The following KLHL32 variants were observed in gnomAD, a reference collection of about 807,000 sequenced individuals.
KLHL32 encodes kelch like family member 32.
KLHL32 carries 35 observed loss-of-function variants against 64.8 expected under a neutral mutation model. The ratio of observed to expected loss-of-function variants is 0.54; its 90% CI spans 0.41 to 0.72. KLHL32 has a LOEUF of 0.72. KLHL32 is among the 30% of genes least tolerant of loss of function. The pLI is 0.00. For missense variants in KLHL32, 589 were observed against 768.5 expected (o/e 0.77, Z 2.76); for synonymous variants, 259 against 281.0 (o/e 0.92, Z 0.78).
chr6:97,139,368 T>A lies in KLHL32; in HGVS notation c.*86T>A, dbSNP rs1800438467. 8.5e-7 allele frequency: 1 copy of A among 1,175,330 alleles called. No homozygotes were observed. The highest frequency in any genetic ancestry group is 1.2e-6 in the Non-Finnish European group (1 of 828,534). 72.8% of individuals were successfully genotyped at this position (1,175,330 alleles called of 1,614,324 possible). A position where few individuals can be genotyped will look rare whatever the true frequency, so the allele number is the denominator to read the frequency against. ...AAAAGACTCAGTGCTCCATGCTTCC[T>A]TGTCTTGCTTTATAGGTCTTATATT... is the stretch of plus-strand genomic sequence containing the variant. On this transcript the variant is annotated 3_prime_UTR_variant, in exon 11 of 11. Coordinates refer to ENST00000369261, the MANE Select transcript of KLHL32 (RefSeq NM_052904.4).
chr6:97,120,843 C>G (rs544812152), intron 7 of KLHL32, among the ~76,000 whole-genome samples: 2 of 152,294 alleles, frequency 1.3e-5, no homozygotes, highest in African/African-American at 4.8e-5. Context: ...GCTTTAGATC[C>G]TAGCAACCAG....
intron 9 of KLHL32, among the ~76,000 whole-genome samples, chr6:97,131,711 C>T (rs1447429496): frequency 6.6e-6 from 1 of 152,154 alleles, no homozygotes; most frequent in African/African-American, 2.4e-5. Flanking sequence ...TTTTAATATG[C>T]TGAGTGGGCA....
chr6:96,945,978 G>C (rs937624087), intron 1 of KLHL32, among the ~76,000 whole-genome samples: 5 of 152,092 alleles, frequency 3.3e-5, no homozygotes, highest in Admixed American at 1.3e-4. Flanking sequence ...TTATGGGTGT[G>C]GGGTATAAGG....
At chr6:97,113,368 G>C (rs1797422164) in intron 6 of KLHL32, among the ~76,000 whole-genome samples, 1 of 152,038 alleles carries the variant, frequency 6.6e-6, no homozygotes. Flanking sequence ...CTTGGCTTAT[G>C]GGTTGACATA....
intron 6 of KLHL32, among the ~76,000 whole-genome samples, chr6:97,102,356 C>G (rs921576595): frequency 2.0e-5 from 3 of 152,166 alleles, no homozygotes; most frequent in African/African-American, 7.2e-5. Context: ...TGAGGTCACT[C>G]TAGTCCCTAT....
intron 3 of KLHL32, among the ~76,000 whole-genome samples, chr6:97,031,725 T>G (rs1783584185): frequency 6.6e-6 from 1 of 152,086 alleles, no homozygotes; most frequent in Non-Finnish European, 1.5e-5. Context: ...TATAATGGGG[T>G]CATTCCATAA....
chr6:97,026,959 C>T (rs1324189025), intron 3 of KLHL32, among the ~76,000 whole-genome samples: 1 of 151,864 alleles, frequency 6.6e-6, no homozygotes, highest in Non-Finnish European at 1.5e-5. Context: ...GTCAGGAATT[C>T]GAGACCAGCC....
chr6:97,068,562 C>A (rs1582913637), intron 5 of KLHL32, among the ~76,000 whole-genome samples: 1 of 152,304 alleles, frequency 6.6e-6, no homozygotes, highest in Non-Finnish European at 1.5e-5. Flanking sequence ...GGGCAATATG[C>A]ACTGTAATTT....
chr6:97,117,737 T>G (rs1467264876), intron 7 of KLHL32, among the ~76,000 whole-genome samples: 1 of 152,192 alleles, frequency 6.6e-6, no homozygotes, highest in Non-Finnish European at 1.5e-5. Context: ...GTTTTTAAAA[T>G]ATATGCTCTC....
At chr6:97,087,354 A>C (rs1793569220) in intron 6 of KLHL32, among the ~76,000 whole-genome samples, 1 of 152,240 alleles carries the variant, frequency 6.6e-6, no homozygotes, top group Non-Finnish European at 1.5e-5. Context: ...CCATGGAAGA[A>C]TCTAATATTC....
chr6:96,967,143 A>T, intron 2 of KLHL32, 60 bp downstream of exon 2: 1 of 1,478,816 alleles, frequency 6.8e-7, no homozygotes, highest in African/African-American at 1.4e-5. Flanking sequence ...AGTGCATTGC[A>T]CGTTCTAGGA....
intron 7 of KLHL32, among the ~76,000 whole-genome samples, chr6:97,125,982 G>A (rs1441724369): frequency 6.6e-6 from 1 of 152,148 alleles, no homozygotes; most frequent in African/African-American, 2.4e-5. Flanking sequence ...TCTAAAGTAA[G>A]TAATCTAAGA....
At chr6:97,076,410 A>C (rs1199682888) in intron 5 of KLHL32, among the ~76,000 whole-genome samples, 1 of 152,166 alleles carries the variant, frequency 6.6e-6, no homozygotes, top group Non-Finnish European at 1.5e-5. Flanking sequence ...TGCACTTTTG[A>C]GAATCCTTAT....
Position 97,056,294 on chromosome 6 carries a change from T to C in KLHL32, c.313-8334T>C, listed in dbSNP as rs369017844. Among the ~76,000 whole-genome samples the C allele has an allele frequency of 2.7e-3, 405 of 151,486 alleles. 3 individuals are homozygous for C. The highest frequency in any genetic ancestry group is 9.3e-3 in the African/African-American group (384 of 41,296). On this transcript the variant is annotated intron_variant, in intron 4 of 10. Coordinates refer to ENST00000369261, the MANE Select transcript of KLHL32 (RefSeq NM_052904.4). ...CTAATTTTTTGTATTTTTAGTAGAGTCGGGGTTTCACCATGTTAGCCAGGA... is the reference window on the plus strand; with the variant it reads ...CTAATTTTTTGTATTTTTAGTAGAGCCGGGGTTTCACCATGTTAGCCAGGA...
At chr6:96,942,654 G>GGTGTGT (rs373680196) in intron 1 of KLHL32, among the ~76,000 whole-genome samples, 14,353 of 144,182 alleles carry the variant, frequency 0.1, 747 homozygotes, top group Middle Eastern at 0.15. Context: ...ACAGCTGTGG[G>GGTGTGT]GTGTGTGTGT....
At chr6:97,020,135 G>A (rs1276440641) in intron 3 of KLHL32, among the ~76,000 whole-genome samples, 4 of 151,744 alleles carry the variant, frequency 2.6e-5, no homozygotes, top group African/African-American at 9.7e-5. Context: ...TAGAGACAGG[G>A]TTTCACCGTG....
At chr6:96,991,813 T>C (rs1451910612) in intron 3 of KLHL32, among the ~76,000 whole-genome samples, 1 of 150,858 alleles carries the variant, frequency 6.6e-6, no homozygotes, top group East Asian at 2.0e-4. Flanking sequence ...TAGCAGGGAG[T>C]GGCCAAGGTC....
At chr6:96,916,956 C>T in the KLHL32 span, among the ~76,000 whole-genome samples, 1 of 152,090 alleles carries the variant, frequency 6.6e-6, no homozygotes, top group African/African-American at 2.4e-5. Context: ...AAATATGCAA[C>T]CTAATAAACT....
At chr6:97,059,146 G>A (rs1788471635) in intron 4 of KLHL32, among the ~76,000 whole-genome samples, 1 of 152,184 alleles carries the variant, frequency 6.6e-6, no homozygotes, top group South Asian at 2.1e-4. Flanking sequence ...ATGAGGTAGG[G>A]GTGGGGAGAG....
Sources: allele counts gnomAD v4.1 joint callset (sites outside exome capture counted in the v4.1 genomes callset), GRCh38; gene constraint gnomAD v4.1.1; transcripts MANE v1.5; gene names NCBI Gene and HGNC (gene_info 2026-07-23, HGNC 2026-07-21).